The following ICE2 variants were observed in gnomAD, a reference collection of about 807,000 sequenced individuals.
The protein encoded by ICE2 is little elongation complex subunit 2.
Under a neutral mutation model 105.4 loss-of-function variants are expected in ICE2, and 87 were observed. The ratio of observed to expected loss-of-function variants is 0.83; its 90% CI spans 0.69 to 0.99. The LOEUF is 0.99. Ranked by LOEUF, ICE2 falls within the 50% of genes least tolerant of loss-of-function variation. ICE2 has a pLI of 0.00. For synonymous variants in ICE2, 399 were observed against 392.0 expected (o/e 1.02, Z -0.21); for missense variants, 1,323 against 1,146.7 (o/e 1.15, Z -2.22).
At chr15:60,453,314 C>T (rs1405308354) in intron 9 of ICE2, 3 of 1,141,080 alleles carry the variant, frequency 2.6e-6, no homozygotes, top group Non-Finnish European at 3.2e-6. Flanking sequence ...GTTTTCACTA[C>T]ATACATAACT....
intron 1 of ICE2, 39 bp from the exon 2 acceptor site, chr15:60,478,108 T>G (rs979303457): frequency 7.5e-6 from 6 of 799,102 alleles, no homozygotes; most frequent in Non-Finnish European, 1.1e-5. Flanking sequence ...AAGCAAGTGA[T>G]TGGCTAGGCC....
intron 11 of ICE2, 103 bp from the exon 12 acceptor site, chr15:60,442,648 A>G (rs542833441): frequency 2.5e-6 from 2 of 813,606 alleles, no homozygotes; most frequent in South Asian, 3.8e-5. Context: ...CTTTCAGGTA[A>G]TCTTATTTCA....
intron 15 of ICE2, among the ~76,000 whole-genome samples, chr15:60,426,793 T>C (rs575889484): frequency 6.6e-6 from 1 of 152,338 alleles, no homozygotes; most frequent in Admixed American, 6.5e-5. Flanking sequence ...CAGAATTACA[T>C]GTTATAGGTG....
intron 5 of ICE2, among the ~76,000 whole-genome samples, chr15:60,464,689 T>TGGGAGGGAG (rs1357365680): frequency 7.0e-6 from 1 of 142,340 alleles, no homozygotes; most frequent in African/African-American, 2.6e-5. Context: ...GGATGGGGGA[T>TGGGAGGGAG]GGGAGGGAGG....
chr15:60,455,507 C>A, intron 6 of ICE2, 65 bp from the exon 7 acceptor site: 1 of 1,012,456 alleles, frequency 9.9e-7, no homozygotes. Context: ...AGAAAAGTAT[C>A]TTTCATCATA....
chr15:60,452,329 T>C (rs952704186), intron 9 of ICE2: 2 of 854,494 alleles, frequency 2.3e-6, no homozygotes, highest in Non-Finnish European at 2.8e-6. Context: ...TATTTTAAAA[T>C]TTTGTTTGCT....
intron 10 of ICE2, among the ~76,000 whole-genome samples, 191 bp downstream of exon 10, chr15:60,448,657 G>A (rs1336870868): frequency 6.6e-6 from 1 of 152,116 alleles, no homozygotes; most frequent in Non-Finnish European, 1.5e-5. Context: ...AGACCCATAC[G>A]CCTTTGTATA....
Position 60,428,431 on chromosome 15 carries a change from T to C in ICE2, c.2818A>G (p.Lys940Glu). ...TTTAATTTCAAAAAAGATCTTACCT[T>C]TTGTTGTGTTGTGGTATCCAGTGAT... ...PKSLDTTTQQKIGGTRMPTRS... is the reference protein window; with the variant it reads ...PKSLDTTTQQEIGGTRMPTRS... The change falls in exon 15 of 16, where the codon AAG becomes GAG. Residue 940 changes from lysine to glutamate, a missense_variant and splice_region_variant. By Grantham distance (56) the Lys-to-Glu change is moderately conservative (BLOSUM62 1). Transcript: ENST00000261520. 1 of 1,610,498 alleles carries C rather than the reference T, an allele frequency of 6.2e-7. No individual in the cohort carries two copies. Among genetic ancestry groups the C allele is most frequent in the Non-Finnish European group, 8.5e-7 (1 of 1,177,512 alleles).
chr15:60,430,696 AT>A (rs1490743205), intron 14 of ICE2, among the ~76,000 whole-genome samples: 1 of 152,178 alleles, frequency 6.6e-6, no homozygotes, highest in African/African-American at 2.4e-5. Flanking sequence ...AGATAATAGA[AT>A]TCTTCAGAAC....
intron 13 of ICE2, among the ~76,000 whole-genome samples, chr15:60,434,379 G>A (rs935944574): frequency 2.6e-5 from 4 of 152,078 alleles, no homozygotes; most frequent in Non-Finnish European, 5.9e-5. Context: ...TCCCATGCAC[G>A]GCGGCTACTT....
chr15:60,461,192 T>A (rs903525979), intron 5 of ICE2, among the ~76,000 whole-genome samples: 19 of 152,140 alleles, frequency 1.2e-4, no homozygotes, highest in African/African-American at 4.6e-4. Flanking sequence ...CTAGAACACA[T>A]GAAATCACTA....
intron 12 of ICE2, chr15:60,438,368 G>T (rs2063643070): frequency 6.6e-6 from 1 of 151,984 alleles, no homozygotes; most frequent in Non-Finnish European, 1.5e-5. Flanking sequence ...TTCTTACCAA[G>T]CCCCCTTTCA....
At chr15:60,461,081 C>A (rs1398325458) in intron 5 of ICE2, among the ~76,000 whole-genome samples, 1 of 149,564 alleles carries the variant, frequency 6.7e-6, no homozygotes, top group African/African-American at 2.5e-5. Context: ...AAATGTCTCA[C>A]CGTCAAAGTC....
chr15:60,432,926 A>G (rs2063495142), intron 13 of ICE2, among the ~76,000 whole-genome samples: 1 of 152,082 alleles, frequency 6.6e-6, no homozygotes, highest in African/African-American at 2.4e-5. Context: ...CCAAACAAAC[A>G]AAATGCTAAG....
intron 11 of ICE2, chr15:60,443,142 C>G (rs2063753578): frequency 1.3e-5 from 2 of 152,336 alleles, no homozygotes; most frequent in Admixed American, 1.3e-4. Flanking sequence ...CATCCAAATT[C>G]ACTGGTCAGG....
chr15:60,435,594 T>C (rs886317848), intron 13 of ICE2, among the ~76,000 whole-genome samples: 3 of 43,088 alleles, frequency 7.0e-5, no homozygotes, highest in African/African-American at 1.2e-4. Flanking sequence ...AGCAAAACTC[T>C]GTCTCAAAAA....
intron 3 of ICE2, among the ~76,000 whole-genome samples, chr15:60,471,568 A>T (rs917427860): frequency 1.3e-5 from 2 of 152,248 alleles, no homozygotes; most frequent in Admixed American, 6.5e-5. Flanking sequence ...CTAGCAGTTT[A>T]AATTGGCTAC....
chr15:60,452,494 C>A (rs974343514), intron 9 of ICE2: 1 of 162,898 alleles, frequency 6.1e-6, no homozygotes, highest in African/African-American at 2.4e-5. Context: ...TGCTTTTTTA[C>A]TGTTATCTGG....
intron 5 of ICE2, among the ~76,000 whole-genome samples, chr15:60,458,495 C>T (rs1418426287): frequency 2.0e-5 from 3 of 152,056 alleles, no homozygotes; most frequent in African/African-American, 4.8e-5. Flanking sequence ...AGAGGAGAAA[C>T]TAGAGCAGTG....
Sources: allele counts gnomAD v4.1 joint callset (sites outside exome capture counted in the v4.1 genomes callset), GRCh38; gene constraint gnomAD v4.1.1; transcripts MANE v1.5; gene names NCBI Gene and HGNC (gene_info 2026-07-23, HGNC 2026-07-21).